TTF1: variants seen among roughly 807,000 people sequenced by gnomAD.
TTF1 encodes transcription termination factor, RNA polymerase I.
TTF1 carries 64 observed loss-of-function variants against 80.2 expected under a neutral mutation model. The observed-to-expected ratio is 0.80, with a 90% CI of 0.65 to 0.98. The LOEUF is 0.98. TTF1 is among the 50% of genes least tolerant of loss of function. TTF1 has a pLI of 0.00. For missense variants in TTF1, 1,023 were observed against 1,086.2 expected (o/e 0.94, Z 0.82); for synonymous variants, 372 against 382.7 (o/e 0.97, Z 0.33).
chr9:132,396,646 G>A (rs568231713), intron 4 of TTF1, 135 bp from the exon 5 acceptor site: 23 of 687,412 alleles, frequency 3.3e-5, no homozygotes, highest in African/African-American at 2.4e-4. Flanking sequence ...CCTACGTCCT[G>A]AAGAAAGCTG....
intron 1 of TTF1, among the ~76,000 whole-genome samples, chr9:132,403,835 C>T (rs1849812175): frequency 6.6e-6 from 1 of 152,128 alleles, no homozygotes; most frequent in African/African-American, 2.4e-5. Context: ...GACCTCAAAC[C>T]AGAAGTTGGC....
chr9:132,379,233 AG>A (rs1452600917), intron 9 of TTF1, 89 bp from the exon 10 acceptor site: 24 of 930,104 alleles, frequency 2.6e-5, no homozygotes, highest in Non-Finnish European at 3.6e-5. Flanking sequence ...TATTCAGGTG[AG>A]GTTTATAGTT....
At chr9:132,381,402 T>C (rs1849369305) in intron 9 of TTF1, among the ~76,000 whole-genome samples, 1 of 152,040 alleles carries the variant, frequency 6.6e-6, no homozygotes, top group Admixed American at 6.5e-5. Context: ...GTTGGGCAGG[T>C]TGGTCTCAAA....
rs753757038 is a variant in TTF1, at chr9:132,401,660, T to A, written c.1162A>T (p.Lys388Ter). 3.1e-6 allele frequency: 5 copies of A among 1,614,082 alleles called. No homozygotes were observed. Among genetic ancestry groups the A allele is most frequent in the Non-Finnish European group, 8.5e-7 (1 of 1,179,960 alleles). The change falls in exon 2 of 11, where the codon AAG becomes TAG. Residue 388 changes from lysine (K) to a stop codon, truncating the protein, a stop_gained. Coordinates refer to ENST00000334270, the MANE Select transcript of TTF1 (RefSeq NM_007344.4). LOFTEE classifies it high-confidence loss of function. ...GFKESNSTKK[K>*]SKKRKLTSVK... is the part of the protein sequence containing the mutation. ...GACGTAAGCTTCCTTTTCTTAGACTTCTTCTTTGTACTGTTGGATTCCTTG... is the reference window on the plus strand; with the variant it reads ...GACGTAAGCTTCCTTTTCTTAGACTACTTCTTTGTACTGTTGGATTCCTTG...
intron 2 of TTF1, among the ~76,000 whole-genome samples, 158 bp from the exon 3 acceptor site, chr9:132,400,416 C>G (rs1849739759): frequency 6.6e-6 from 1 of 152,080 alleles, no homozygotes; most frequent in South Asian, 2.1e-4. Flanking sequence ...TTCTGCCTCC[C>G]GGTTCAAGCG....
At position 132,376,075 on chromosome 9, in the gene TTF1, G is replaced by A. The variant is rs1334478524; in HGVS notation, c.2558C>T (p.Pro853Leu). 6.2e-7 allele frequency: 1 copy of A among 1,614,186 alleles called. No homozygotes were observed. The highest frequency in any genetic ancestry group is 2.2e-5 in the East Asian group (1 of 44,884). Residue 853 changes from proline to leucine, a missense_variant, in exon 11 of 11, where the codon CCT (proline) becomes CTT (leucine). Transcript: ENST00000334270. ...MEKKGTKIQT[P>L]AAPKQVFPFR... Reference sequence around the variant, plus strand: ...TGGGAAAACTTGCTTGGGTGCTGCAGGAGTCTGGATTTTAGTGCCTTTTTT... The same window carrying A: ...TGGGAAAACTTGCTTGGGTGCTGCAAGAGTCTGGATTTTAGTGCCTTTTTT...
At chr9:132,394,191 G>A (rs940926564) in intron 5 of TTF1, among the ~76,000 whole-genome samples, 20 of 150,468 alleles carry the variant, frequency 1.3e-4, no homozygotes, top group African/African-American at 4.6e-4. Context: ...ATGAGCCACC[G>A]CACCCAGCCA....
chr9:132,406,168 T>C (rs1287017393), intron 1 of TTF1, among the ~76,000 whole-genome samples: 1 of 152,138 alleles, frequency 6.6e-6, no homozygotes, highest in Non-Finnish European at 1.5e-5. Flanking sequence ...GCTCTGCAGG[T>C]ACGTGCCCAA....
rs1378339816 is a variant in TTF1, at chr9:132,399,921, G to A, written c.1591+114C>T. 6 of 1,107,778 alleles carry A rather than the reference G, an allele frequency of 5.4e-6. No homozygotes were observed. The African/African-American group carries it at 9.3e-5, about 17-fold the overall frequency. 68.6% of individuals were successfully genotyped at this position (1,107,778 alleles called of 1,614,324 possible). ...ATTCTGGTAGGAGATAGAGGTGAAGGAGGAGAAAGAATGCTTCTTGTCGAT... is the reference window on the plus strand; with the variant it reads ...ATTCTGGTAGGAGATAGAGGTGAAGAAGGAGAAAGAATGCTTCTTGTCGAT... On this transcript the variant is annotated intron_variant, in intron 3 of 10. Coordinates refer to ENST00000334270, the MANE Select transcript of TTF1 (RefSeq NM_007344.4).
intron 5 of TTF1, 150 bp from the exon 6 acceptor site, chr9:132,392,356 G>A (rs936480833): frequency 3.7e-5 from 33 of 895,398 alleles, no homozygotes; most frequent in Non-Finnish European, 5.3e-5. Context: ...TCCTGTTGGC[G>A]TCTCACTGGT....
chr9:132,381,296 C>A (rs999801128), intron 9 of TTF1, among the ~76,000 whole-genome samples: 13 of 151,784 alleles, frequency 8.6e-5, no homozygotes, highest in Admixed American at 8.5e-4. Context: ...TGGGTTCAAG[C>A]AATTCTGCCT....
chr9:132,377,608 GAA>G (rs1849235849), intron 10 of TTF1, among the ~76,000 whole-genome samples: 1 of 120,528 alleles, frequency 8.3e-6, no homozygotes, highest in Admixed American at 8.3e-5. Context: ...GTGTGTGTGT[GAA>G]TGCATGTGGT....
Position 132,401,549 on chromosome 9 carries a change from C to T in TTF1, c.1273G>A (p.Asp425Asn), listed in dbSNP as rs1169639004. 11 of 1,614,190 alleles carry T rather than the reference C, an allele frequency of 6.8e-6. No individual in the cohort carries two copies. The East Asian group carries it at 2.5e-4, about 36-fold the overall frequency. ...ACACCTTCTTCCATCATGGCGCCAT[C>T]ACCTTCTACTGAATCAAAGAGTGTG... ...ESTLFDSVEGDGAMMEEGVKS... is the reference protein window; with the variant it reads ...ESTLFDSVEGNGAMMEEGVKS... Residue 425 changes from aspartate (D) to asparagine (N), a missense_variant, in exon 2 of 11, where the codon GAT (aspartate) becomes AAT (asparagine). Transcript: ENST00000334270.
At chr9:132,381,246 T>G (rs1235259044) in intron 9 of TTF1, among the ~76,000 whole-genome samples, 2 of 151,368 alleles carry the variant, frequency 1.3e-5, no homozygotes, top group Non-Finnish European at 2.9e-5. Flanking sequence ...CAGGCTGGAG[T>G]GCAGTGACGC....
At chr9:132,398,041 C>A in intron 4 of TTF1, 100 bp downstream of exon 4, 1 of 946,664 alleles carries the variant, frequency 1.1e-6, no homozygotes, top group South Asian at 2.1e-5. Context: ...GCGCCGCCTG[C>A]AGGCAATGGG....
At position 132,396,522 on chromosome 9, in the gene TTF1, A is replaced by T. The variant is rs199515633; in HGVS notation, c.1778-11T>A. 3 of 1,613,100 alleles carry T rather than the reference A, an allele frequency of 1.9e-6. No individual in the cohort carries two copies. Among genetic ancestry groups the T allele is most frequent in the Non-Finnish European group, 2.5e-6 (3 of 1,179,160 alleles). On this transcript the variant is annotated splice_polypyrimidine_tract_variant and intron_variant, in intron 4 of 10. Coordinates refer to ENST00000334270, the MANE Select transcript of TTF1 (RefSeq NM_007344.4). ...GGGCAATGTTCCTACCTAAAGTCAGAAGAAAGGTGATCAGAGGGACTCACA... is the reference window on the plus strand; with the variant it reads ...GGGCAATGTTCCTACCTAAAGTCAGTAGAAAGGTGATCAGAGGGACTCACA...
intron 9 of TTF1, 185 bp from the exon 10 acceptor site, chr9:132,379,329 T>G (rs533024657): frequency 3.5e-5 from 16 of 454,508 alleles, no homozygotes; most frequent in Non-Finnish European, 6.1e-5. Flanking sequence ...CTATTGTTTA[T>G]TTGGTTTAAA....
chr9:132,398,351 A>G, intron 3 of TTF1, 25 bp from the exon 4 acceptor site: 2 of 1,569,104 alleles, frequency 1.3e-6, no homozygotes, highest in African/African-American at 3.0e-5. Context: ...GAACAGGGAG[A>G]AAGTGTGTAT....
intron 1 of TTF1, among the ~76,000 whole-genome samples, chr9:132,405,200 C>CTTTTG (rs1849843762): frequency 6.7e-6 from 1 of 149,696 alleles, no homozygotes; most frequent in African/African-American, 2.5e-5. Context: ...CTTTTCTTTT[C>CTTTTG]TTTTTTTCTT....
Sources: gnomAD v4.1 joint callset for allele counts (sites outside exome capture counted in the v4.1 genomes callset) on GRCh38, gnomAD v4.1.1 for gene constraint, MANE v1.5 for transcripts, NCBI Gene and HGNC (gene_info 2026-07-23, HGNC 2026-07-21) for gene names.